UBXN2A: variants seen among roughly 807,000 people sequenced by gnomAD.
UBXN2A encodes UBX domain-containing protein 2A.
A neutral mutation model predicts 28.4 loss-of-function variants in UBXN2A; 28 were observed. The observed-to-expected ratio is 0.99, with a 90% confidence interval of 0.73 to 1.35. The LOEUF (loss-of-function observed/expected upper bound fraction) is 1.35. Ranked by LOEUF, UBXN2A falls within the 40% of genes most tolerant of loss-of-function variation. The pLI, the probability that UBXN2A is intolerant of heterozygous loss-of-function variation, is 0.00. For synonymous variants in UBXN2A, 97 were observed against 103.6 expected (o/e 0.94, Z 0.39); for missense variants, 253 against 297.9 (o/e 0.85, Z 1.11).
At chr2:23,962,986 C>G (rs563607235) in intron 2 of UBXN2A, among the ~76,000 whole-genome samples, 22 of 152,296 alleles carry the variant, frequency 1.4e-4, no homozygotes, top group African/African-American at 5.3e-4. Context: ...CAAGGAAGAG[C>G]AAGTTACATC....
In UBXN2A at chr2:23,982,783, A is replaced by G. The variant is rs1469024909; in HGVS notation, c.288-113A>G. ...ACATTTAGTTATTTCATTGTATAGA[A>G]TATTATATATTTCTGTATATTTCTA... On this transcript the variant is annotated intron_variant, in intron 4 of 6. Coordinates refer to ENST00000309033, the MANE Select transcript of UBXN2A (RefSeq NM_181713.4). The G allele has an allele frequency of 2.7e-6, 3 of 1,128,084 alleles. No individual in the cohort carries two copies. The Admixed American group carries it at 9.1e-5, about 34-fold the overall frequency. The allele number at this position is 1,128,084 out of a possible 1,614,324, so 69.9% of individuals were successfully genotyped here.
intron 1 of UBXN2A, among the ~76,000 whole-genome samples, chr2:23,940,939 G>C (rs1444503224): frequency 6.6e-6 from 1 of 152,140 alleles, no homozygotes; most frequent in Admixed American, 6.5e-5. Flanking sequence ...TTCTCTCGCA[G>C]GGCGTTCCGA....
chr2:23,932,844 G>A (rs115013609), intron 1 of UBXN2A, among the ~76,000 whole-genome samples: 3,410 of 152,310 alleles, frequency 0.022, 138 homozygotes, highest in African/African-American at 0.078. Context: ...GGTGGCTCAC[G>A]CCTGTAATCC....
At chr2:23,985,216 G>C (rs895834219) in intron 6 of UBXN2A, among the ~76,000 whole-genome samples, 2 of 152,058 alleles carry the variant, frequency 1.3e-5, no homozygotes, top group African/African-American at 4.8e-5. Flanking sequence ...GGGATTACAG[G>C]CATGAGCCAT....
chr2:23,986,883 C>T (rs183639760), intron 6 of UBXN2A, among the ~76,000 whole-genome samples: 148 of 152,248 alleles, frequency 9.7e-4, no homozygotes, highest in African/African-American at 3.4e-3. Flanking sequence ...GCTGGGATTA[C>T]AAGCATGAGC....
chr2:23,962,679 C>T (rs1430233682), intron 2 of UBXN2A, among the ~76,000 whole-genome samples: 1 of 148,112 alleles, frequency 6.8e-6, no homozygotes, highest in Non-Finnish European at 1.5e-5. Context: ...AGTCTCGGCT[C>T]ATGGCAGCCT....
At chr2:23,937,404 G>A (rs925775357), upstream of UBXN2A, among the ~76,000 whole-genome samples, 20 of 152,046 alleles carry the variant, frequency 1.3e-4, no homozygotes, top group African/African-American at 4.6e-4. Flanking sequence ...TTTTTAATTG[G>A]TCGGGCATGG....
At chr2:23,975,112 G>A (rs115675083) in intron 3 of UBXN2A, among the ~76,000 whole-genome samples, 1,651 of 152,198 alleles carry the variant, frequency 0.011, 12 homozygotes, top group South Asian at 0.018. Context: ...TCAGCAGTTG[G>A]AAGATCTGCA....
chr2:23,976,654 A>G (rs929338522), intron 3 of UBXN2A, among the ~76,000 whole-genome samples: 2 of 152,102 alleles, frequency 1.3e-5, no homozygotes, highest in African/African-American at 4.8e-5. Flanking sequence ...TGATTCAATT[A>G]CCTCCCCCTT....
At chr2:23,950,111 G>A (rs1054509457) in intron 1 of UBXN2A, among the ~76,000 whole-genome samples, 3 of 148,094 alleles carry the variant, frequency 2.0e-5, no homozygotes, top group Admixed American at 7.1e-5. Context: ...TATCCTCAGC[G>A]ATGTCAGATC....
Position 24,003,581 on chromosome 2 carries a change from G to A in UBXN2A, c.*3714G>A, listed in dbSNP as rs1019169875. ...AAGGCTCTTTTAATTAGGAAGAGAG[G>A]GAGGACAAAGGAGAGCCTTTTCTTT... On this transcript the variant is annotated 3_prime_UTR_variant, in exon 7 of 7. Transcript: ENST00000309033. The A allele has an allele frequency of 2.6e-5, 4 of 152,152 alleles. No individual in the cohort carries two copies. In the East Asian group the frequency reaches 7.7e-4, roughly 29 times the overall value. 9.4% of individuals were successfully genotyped at this position (152,152 alleles called of 1,614,324 possible).
chr2:23,949,889 T>C (rs771411933), intron 1 of UBXN2A, among the ~76,000 whole-genome samples: 1 of 151,610 alleles, frequency 6.6e-6, no homozygotes, highest in African/African-American at 2.4e-5. Flanking sequence ...AAAAAAAAAT[T>C]ATTTGTATAA....
intron 1 of UBXN2A, among the ~76,000 whole-genome samples, chr2:23,945,466 G>GCTAT (rs1706021133): frequency 6.6e-6 from 1 of 152,160 alleles, no homozygotes; most frequent in Admixed American, 6.6e-5. Context: ...TGGTTCTGAT[G>GCTAT]CTATCATAGT....
chr2:23,959,014 A>C (rs1706775040), intron 2 of UBXN2A, among the ~76,000 whole-genome samples: 1 of 151,960 alleles, frequency 6.6e-6, no homozygotes, highest in Non-Finnish European at 1.5e-5. Context: ...TTAAATTTTT[A>C]AATTTTTTTG....
chr2:23,957,624 T>C (rs954098778), intron 1 of UBXN2A, among the ~76,000 whole-genome samples: 1 of 150,920 alleles, frequency 6.6e-6, no homozygotes, highest in African/African-American at 2.4e-5. Context: ...CACCTGAGGT[T>C]GGGAGTTCGA....
chr2:23,967,656 C>T (rs1466937955), intron 2 of UBXN2A, among the ~76,000 whole-genome samples: 2 of 152,132 alleles, frequency 1.3e-5, no homozygotes, highest in African/African-American at 4.8e-5. Flanking sequence ...AACAGCAACA[C>T]CCAGACTTTT....
intron 1 of UBXN2A, among the ~76,000 whole-genome samples, chr2:23,932,745 T>A (rs1302254793): frequency 6.6e-6 from 1 of 152,184 alleles, no homozygotes; most frequent in African/African-American, 2.4e-5. Context: ...GAATATACCT[T>A]CAACAGAAAG....
At chr2:23,947,895 C>T (rs1265584391) in intron 1 of UBXN2A, among the ~76,000 whole-genome samples, 1 of 151,954 alleles carries the variant, frequency 6.6e-6, no homozygotes, top group African/African-American at 2.4e-5. Flanking sequence ...GCTCTTGTTG[C>T]CCAGGCTGGA....
At chr2:23,958,448 C>T (rs1166575326) in intron 2 of UBXN2A, 93 bp downstream of exon 2, 15 of 1,250,770 alleles carry the variant, frequency 1.2e-5, no homozygotes, top group South Asian at 5.1e-5. Flanking sequence ...TAGTAGAGTA[C>T]GTTTTAATTA....
Sources: gnomAD v4.1 joint callset for allele counts (sites outside exome capture counted in the v4.1 genomes callset) on GRCh38, gnomAD v4.1.1 for gene constraint, MANE v1.5 for transcripts, NCBI Gene and HGNC (gene_info 2026-07-23, HGNC 2026-07-21) for gene names.